ZHX2: variants seen among roughly 807,000 people sequenced by gnomAD.
ZHX2 encodes zinc fingers and homeoboxes 2.
In ZHX2, 6 loss-of-function variants were observed where a neutral mutation model predicts 21.9. That is an observed-to-expected ratio of 0.27 (90% CI 0.15 to 0.54). ZHX2 has a LOEUF of 0.54. ZHX2 is among the 20% of genes least tolerant of loss of function. The pLI is 0.95. For synonymous variants in ZHX2, 434 were observed against 437.1 expected (o/e 0.99, Z 0.09); for missense variants, 908 against 1,090.7 (o/e 0.83, Z 2.36).
intron 2 of ZHX2, among the ~76,000 whole-genome samples, chr8:122,919,886 C>A (rs1206620048): frequency 1.3e-5 from 2 of 152,174 alleles, no homozygotes; most frequent in African/African-American, 4.8e-5. Flanking sequence ...AAATATATCA[C>A]GCAGAAAATA....
intron 2 of ZHX2, among the ~76,000 whole-genome samples, chr8:122,882,780 G>A (rs1229555924): frequency 6.6e-6 from 1 of 152,074 alleles, no homozygotes; most frequent in African/African-American, 2.4e-5. Flanking sequence ...CCAGGAGTTC[G>A]AGACCAGCCT....
chr8:122,791,041 C>T (rs1817508767), intron 1 of ZHX2, among the ~76,000 whole-genome samples: 1 of 152,318 alleles, frequency 6.6e-6, no homozygotes, highest in Admixed American at 6.5e-5. Context: ...ACATTTAACC[C>T]CTCCTGCCCT....
intron 1 of ZHX2, among the ~76,000 whole-genome samples, chr8:122,803,128 C>T (rs1031816122): frequency 5.3e-5 from 8 of 152,100 alleles, no homozygotes; most frequent in Non-Finnish European, 8.8e-5. Flanking sequence ...GAGCCTGGAA[C>T]GAGGGTGGGG....
At chr8:122,881,089 C>T (rs1019823813) in intron 2 of ZHX2, among the ~76,000 whole-genome samples, 2 of 152,096 alleles carry the variant, frequency 1.3e-5, no homozygotes, top group African/African-American at 4.8e-5. Context: ...GTGCCTGATG[C>T]GGATGTGATA....
chr8:122,786,044 C>T (rs1817388621), intron 1 of ZHX2, among the ~76,000 whole-genome samples: 1 of 152,172 alleles, frequency 6.6e-6, no homozygotes, highest in African/African-American at 2.4e-5. Flanking sequence ...AAGAGAAGAC[C>T]ATGTACAATA....
chr8:122,888,294 A>G (rs1819891076), intron 2 of ZHX2, among the ~76,000 whole-genome samples: 1 of 151,728 alleles, frequency 6.6e-6, no homozygotes, highest in East Asian at 1.9e-4. Context: ...ACACATAATT[A>G]TTGTACATAT....
At chr8:122,962,894 T>A (rs1290985936) in intron 3 of ZHX2, among the ~76,000 whole-genome samples, 1 of 152,168 alleles carries the variant, frequency 6.6e-6, no homozygotes, top group East Asian at 1.9e-4. Context: ...GAGCATTTTT[T>A]TCATGTTTTT....
At chr8:122,864,592 G>T (rs190115298) in intron 2 of ZHX2, among the ~76,000 whole-genome samples, 2 of 152,194 alleles carry the variant, frequency 1.3e-5, no homozygotes, top group East Asian at 3.9e-4. Context: ...AGACCACATA[G>T]ACAAGAGGAA....
intron 1 of ZHX2, among the ~76,000 whole-genome samples, chr8:122,818,133 G>T (rs1474062155): frequency 2.0e-5 from 3 of 152,138 alleles, no homozygotes; most frequent in African/African-American, 4.8e-5. Flanking sequence ...GTGAGTCAGG[G>T]ACTCTCCTGA....
chr8:122,887,480 T>C (rs1819872730), intron 2 of ZHX2, among the ~76,000 whole-genome samples: 1 of 152,012 alleles, frequency 6.6e-6, no homozygotes, highest in African/African-American at 2.4e-5. Flanking sequence ...ATTGCGCCAC[T>C]GCACTCCAGC....
intron 1 of ZHX2, among the ~76,000 whole-genome samples, chr8:122,811,582 T>A (rs1445146391): frequency 6.6e-6 from 1 of 152,086 alleles, no homozygotes; most frequent in Non-Finnish European, 1.5e-5. Flanking sequence ...CGCCCTCTGA[T>A]AGGGGCAGAC....
intron 2 of ZHX2, among the ~76,000 whole-genome samples, chr8:122,945,331 G>C: frequency 6.7e-6 from 1 of 149,124 alleles, no homozygotes; most frequent in South Asian, 2.1e-4. Context: ...GATGGAAGAA[G>C]CACCTTGTGG....
intron 2 of ZHX2, among the ~76,000 whole-genome samples, chr8:122,939,498 C>A (rs1812789867): frequency 6.6e-6 from 1 of 152,036 alleles, no homozygotes; most frequent in African/African-American, 2.4e-5. Context: ...GGAAGGGGAC[C>A]CAGTGGAGGG....
intron 2 of ZHX2, among the ~76,000 whole-genome samples, chr8:122,930,101 C>T (rs965117804): frequency 1.3e-5 from 2 of 152,204 alleles, no homozygotes; most frequent in South Asian, 2.1e-4. Context: ...TCTTCAGCCT[C>T]AGCAGCCTCA....
intron 2 of ZHX2, among the ~76,000 whole-genome samples, chr8:122,864,574 CA>C (rs1819241128): frequency 6.6e-6 from 1 of 152,064 alleles, no homozygotes; most frequent in African/African-American, 2.4e-5. Context: ...GGACTCGGCC[CA>C]AGATCCAGAC....
chr8:122,900,520 T>C (rs1397706482), intron 2 of ZHX2, among the ~76,000 whole-genome samples: 3 of 152,176 alleles, frequency 2.0e-5, no homozygotes, highest in Non-Finnish European at 2.9e-5. Context: ...ACATGAGGTT[T>C]GGAGGGGTCA....
chr8:122,805,815 C>A (rs1409749382), intron 1 of ZHX2, among the ~76,000 whole-genome samples: 3 of 152,190 alleles, frequency 2.0e-5, no homozygotes, highest in Non-Finnish European at 2.9e-5. Context: ...CATTACTCCT[C>A]CCTGTCCCCT....
At chr8:122,780,596 G>C (rs1328025114), upstream of ZHX2, 1 of 152,236 alleles carries the variant, frequency 6.6e-6, no homozygotes, top group African/African-American at 2.4e-5. Flanking sequence ...TGGCAGGAGC[G>C]CGGCGCCCGG....
chr8:122,853,697 C>T (rs1190786479), intron 1 of ZHX2, among the ~76,000 whole-genome samples: 1 of 152,104 alleles, frequency 6.6e-6, no homozygotes, highest in African/African-American at 2.4e-5. Context: ...CAATTTCCAC[C>T]CATTCTTCAT....
Sources: gnomAD v4.1 joint callset for allele counts (sites outside exome capture counted in the v4.1 genomes callset) on GRCh38, gnomAD v4.1.1 for gene constraint, MANE v1.5 for transcripts, NCBI Gene and HGNC (gene_info 2026-07-23, HGNC 2026-07-21) for gene names.